The following KCTD16 variants were observed in gnomAD, a reference collection of about 807,000 sequenced individuals.
KCTD16 encodes potassium channel tetramerization domain containing 16.
A neutral mutation model predicts 33.2 loss-of-function variants in KCTD16; 13 were observed. The observed-to-expected ratio is 0.39, with a 90% CI of 0.25 to 0.62. The LOEUF (loss-of-function observed/expected upper bound fraction) is 0.62, where lower values mean the gene tolerates loss of function less well. Ranked by LOEUF, KCTD16 falls within the 20% of genes least tolerant of loss-of-function variation. The probability of loss-of-function intolerance (pLI) is 0.50; values close to 1 mark genes in which losing one functional copy is unlikely to be tolerated. For missense variants in KCTD16, 441 were observed against 525.1 expected (o/e 0.84, Z 1.57); for synonymous variants, 197 against 195.3 (o/e 1.01, Z -0.07).
chr5:144,370,680 G>A (rs1049626766), intron 3 of KCTD16, among the ~76,000 whole-genome samples: 1 of 152,180 alleles, frequency 6.6e-6, no homozygotes, highest in African/African-American at 2.4e-5. Context: ...TAGGGAAAAG[G>A]TGTTGCAAAG....
intron 3 of KCTD16, among the ~76,000 whole-genome samples, chr5:144,303,051 T>C (rs1751487155): frequency 6.6e-6 from 1 of 152,190 alleles, no homozygotes; most frequent in Non-Finnish European, 1.5e-5. Flanking sequence ...TTCTGTTTTG[T>C]TGAGTGTTTG....
chr5:144,426,924 AAC>A (rs1335856347), intron 3 of KCTD16, among the ~76,000 whole-genome samples: 1 of 152,184 alleles, frequency 6.6e-6, no homozygotes, highest in African/African-American at 2.4e-5. Context: ...ATTAAATTTC[AAC>A]ATGAGTTTTG....
At chr5:144,311,105 A>G (rs1751755755) in intron 3 of KCTD16, among the ~76,000 whole-genome samples, 1 of 150,428 alleles carries the variant, frequency 6.6e-6, no homozygotes, top group African/African-American at 2.4e-5. Flanking sequence ...TACAGGCTAG[A>G]CCAATTTGGT....
At position 144,299,144 on chromosome 5, in the gene KCTD16, ATATATTT is replaced by A. The variant is rs1362674658; in HGVS notation, c.832+91600_832+91606del. ...TATATATATATATATATATATATAT[ATATATTT>A]TTTTTTTTTTTTTTAACCTGTCACT... On this transcript the variant is annotated intron_variant, in intron 3 of 3. Coordinates refer to ENST00000512467, the MANE Select transcript of KCTD16 (RefSeq NM_020768.4). 6.9e-4 allele frequency among the ~76,000 whole-genome samples: 11 copies of A among 15,846 alleles called. 1 individual carries two copies. The highest frequency in any genetic ancestry group is 4.1e-3 in the East Asian group (1 of 246). The allele number at this position is 15,846 out of a possible 152,430, so 10.4% of individuals were successfully genotyped here. A position where few individuals can be genotyped will look rare whatever the true frequency, so the allele number is the denominator to read the frequency against.
chr5:144,175,368 G>A (rs2126769824), intron 2 of KCTD16, among the ~76,000 whole-genome samples: 1 of 152,290 alleles, frequency 6.6e-6, no homozygotes. Context: ...GTTATGAAAT[G>A]TGAATGAAGA....
chr5:144,212,016 A>G (rs765913585), intron 3 of KCTD16, among the ~76,000 whole-genome samples: 19 of 152,198 alleles, frequency 1.2e-4, no homozygotes, highest in Non-Finnish European at 2.2e-4. Flanking sequence ...ATTTGTACAT[A>G]AGAGCACTTT....
rs569453040 is a variant in KCTD16 at position 144,373,979 on chromosome 5, TTCA to T, written c.833-99680_833-99678del. Among the ~76,000 whole-genome samples the T allele has an allele frequency of 1.1e-3, 165 of 152,302 alleles. 3 individuals are homozygous for T. Among genetic ancestry groups the T allele is most frequent in the African/African-American group, 3.7e-3 (155 of 41,580 alleles). On this transcript the variant is annotated intron_variant, in intron 3 of 3. Coordinates refer to ENST00000512467, the MANE Select transcript of KCTD16 (RefSeq NM_020768.4). ...CTAGCTGCATCACTGCAGTTTCTGT[TTCA>T]GTCACCACATCAAGTTCTCCCTTAT...
Position 144,473,820 on chromosome 5 carries a change from T to G in KCTD16, c.993T>G (p.Gly331=). Residue 331 remains glycine (G), a synonymous_variant, in exon 4 of 4, where the codon GGT becomes GGG. Coordinates refer to ENST00000512467, the MANE Select transcript of KCTD16 (RefSeq NM_020768.4). The part of the protein sequence containing the change: ...ASSPQETVIC[G]PVTRQTNIQT... Reference sequence around the variant, plus strand: ...CTCCCCAGGAGACGGTCATCTGTGGTCCCGTGACACGCCAGACCAACATCC... The same window carrying G: ...CTCCCCAGGAGACGGTCATCTGTGGGCCCGTGACACGCCAGACCAACATCC... 1 of 1,613,968 alleles carries G rather than the reference T, an allele frequency of 6.2e-7. No individual in the cohort carries two copies. The highest frequency in any genetic ancestry group is 8.5e-7 in the Non-Finnish European group (1 of 1,179,976).
At chr5:144,287,321 G>A (rs1163218937) in intron 3 of KCTD16, among the ~76,000 whole-genome samples, 1 of 95,798 alleles carries the variant, frequency 1.0e-5, no homozygotes, top group African/African-American at 3.0e-5. Flanking sequence ...TGTGAGGCGG[G>A]ACACCAGTTC....
At chr5:144,266,698 G>A (rs1416413585) in intron 3 of KCTD16, among the ~76,000 whole-genome samples, 1 of 152,126 alleles carries the variant, frequency 6.6e-6, no homozygotes, top group Non-Finnish European at 1.5e-5. Context: ...TGCCCACCTA[G>A]TGTTTAAAAT....
Position 144,476,542 on chromosome 5 carries a change from C to A in KCTD16, c.*2428C>A, listed in dbSNP as rs776581219. On this transcript the variant is annotated 3_prime_UTR_variant, in exon 4 of 4. Transcript: ENST00000512467. ...GCTGGAATAGAAAACCTGTTTAAAA[C>A]CATCACAACAGCAATATTTTTATTC... is the stretch of plus-strand genomic sequence containing the variant. The A allele has an allele frequency of 2.6e-5, 4 of 152,164 alleles. No homozygotes were observed. The highest frequency in any genetic ancestry group is 5.9e-5 in the Non-Finnish European group (4 of 68,034). The allele number at this position is 152,164 out of a possible 1,614,324, so 9.4% of individuals were successfully genotyped here.
chr5:144,360,022 C>T (rs374702398), intron 3 of KCTD16, among the ~76,000 whole-genome samples: 1 of 152,118 alleles, frequency 6.6e-6, no homozygotes, highest in Admixed American at 6.6e-5. Context: ...GGAACCATAT[C>T]CCTTACCTTC....
chr5:144,407,205 T>G (rs1752828328), intron 3 of KCTD16, among the ~76,000 whole-genome samples: 1 of 143,218 alleles, frequency 7.0e-6, no homozygotes, highest in Non-Finnish European at 1.5e-5. Flanking sequence ...ATTCCTGTTT[T>G]TTTTTTTTTT....
chr5:144,265,811 T>A (rs1755126569), intron 3 of KCTD16, among the ~76,000 whole-genome samples: 1 of 152,248 alleles, frequency 6.6e-6, no homozygotes, highest in African/African-American at 2.4e-5. Context: ...CTATTTGTAT[T>A]GTCTCATTGA....
rs766026967 is a variant in KCTD16 at position 144,207,178 on chromosome 5, C to G, written c.464C>G (p.Ser155Cys). The G allele has an allele frequency of 1.4e-5, 22 of 1,613,022 alleles. No individual in the cohort carries two copies. In the South Asian group the frequency reaches 2.2e-4, roughly 16 times the overall value. The change falls in exon 3 of 4, where the codon TCC becomes TGC. Residue 155 changes from serine (S) to cysteine (C), a missense_variant. Ser to Cys is a moderately radical substitution (Grantham distance 112). Around this residue, in one of 3 missense-constraint regions of KCTD16, gnomAD observed 355 missense variants for 413.0 expected, o/e 0.86. Coordinates refer to ENST00000512467, the MANE Select transcript of KCTD16 (RefSeq NM_020768.4). ...GSDTRICPPS[S>C]LLPADRKWGF... ...GACACAAGAATCTGCCCCCCTTCCT[C>G]CCTGCTCCCTGCCGACCGCAAGTGG...
intron 3 of KCTD16, among the ~76,000 whole-genome samples, chr5:144,320,983 G>A (rs919396190): frequency 6.6e-6 from 1 of 152,092 alleles, no homozygotes; most frequent in Non-Finnish European, 1.5e-5. Context: ...AGCCTCCTAA[G>A]TAGCTGGGAT....
chr5:144,353,252 G>A (rs1751487282), intron 3 of KCTD16, among the ~76,000 whole-genome samples: 1 of 152,176 alleles, frequency 6.6e-6, no homozygotes, highest in African/African-American at 2.4e-5. Flanking sequence ...TTGTGTTGCT[G>A]CTCATTCTTC....
At chr5:144,414,707 G>T (rs560705741) in intron 3 of KCTD16, among the ~76,000 whole-genome samples, 75 of 152,254 alleles carry the variant, frequency 4.9e-4, no homozygotes, top group African/African-American at 1.8e-3. Context: ...TTGCTGATCA[G>T]CATCTACTTA....
intron 3 of KCTD16, among the ~76,000 whole-genome samples, chr5:144,342,303 T>C (rs568200588): frequency 2.6e-5 from 4 of 152,198 alleles, no homozygotes; most frequent in Non-Finnish European, 4.4e-5. Context: ...CCCTTGTAAG[T>C]TGGATTCCTA....
Sources: allele counts gnomAD v4.1 joint callset (sites outside exome capture counted in the v4.1 genomes callset), GRCh38; gene constraint gnomAD v4.1.1; regional missense constraint gnomAD v4.1.1; transcripts MANE v1.5; gene names NCBI Gene and HGNC (gene_info 2026-07-23, HGNC 2026-07-21).